The following IL13 variants were observed in gnomAD, a reference collection of about 807,000 sequenced individuals.
The protein encoded by IL13 is interleukin 13, also known as interleukin-13.
A neutral mutation model predicts 11.1 loss-of-function variants in IL13; 9 were observed. That is an observed-to-expected ratio of 0.81 (90% confidence interval 0.49 to 1.42). IL13 has a LOEUF of 1.42. Among genes scored for constraint, IL13 ranks in the 40% most tolerant of loss-of-function variants. The probability of loss-of-function intolerance (pLI) is 0.00; values close to 1 mark genes in which losing one functional copy is unlikely to be tolerated. For missense variants in IL13, 181 were observed against 182.5 expected (o/e 0.99, Z 0.05); for synonymous variants, 75 against 76.9 (o/e 0.97, Z 0.13).
chr5:132,658,294 T>TGC lies in IL13; in HGVS notation c.109_110insCG (p.Val37AlafsTer37). On this transcript the variant is annotated frameshift_variant, in exon 1 of 4. Coordinates refer to ENST00000304506, the MANE Select transcript of IL13 (RefSeq NM_002188.3). LOFTEE classifies it high-confidence loss of function. Reference sequence around the variant, plus strand: ...TTGGCGGCTTTGCCTCCCCAGGCCCTGTGCCTCCCTCTACAGCCCTCAGGG... The same window carrying TGC: ...TTGGCGGCTTTGCCTCCCCAGGCCCTGCGTGCCTCCCTCTACAGCCCTCAGGG... The TGC allele has an allele frequency of 6.2e-7, 1 of 1,609,496 alleles. No individual in the cohort carries two copies. The highest frequency in any genetic ancestry group is 1.1e-5 in the South Asian group (1 of 90,976).
At position 132,659,838 on chromosome 5, in the gene IL13, C is replaced by T. The variant is rs1752114765; in HGVS notation, c.333+10C>T. 8 of 1,612,844 alleles carry T rather than the reference C, an allele frequency of 5.0e-6. No individual in the cohort carries two copies. The highest frequency in any genetic ancestry group is 1.3e-5 in the African/African-American group (1 of 74,978). On this transcript the variant is annotated intron_variant, in intron 3 of 3. Coordinates refer to ENST00000304506, the MANE Select transcript of IL13 (RefSeq NM_002188.3). This position sits in a 1 kb window ranked among gnomAD's most constrained non-coding sequence, Gnocchi z 4.1. Reference sequence around the variant, plus strand: ...CAAGGTCTCAGCTGGGGTAAGGCATCCCCCACCCTCTCACACCCACCCTGC... The same window carrying T: ...CAAGGTCTCAGCTGGGGTAAGGCATTCCCCACCCTCTCACACCCACCCTGC...
At chr5:132,657,935 G>A (rs1426092671), upstream of IL13, among the ~76,000 whole-genome samples, 3 of 152,290 alleles carry the variant, frequency 2.0e-5, no homozygotes, top group Non-Finnish European at 4.4e-5. Flanking sequence ...CGCTCTCAGG[G>A]CCCCTTGCCT....
At position 132,658,220 on chromosome 5, in the gene IL13, C is replaced by T. The variant is rs202050622; in HGVS notation, c.34C>T (p.Leu12=). 1.2e-5 allele frequency: 19 copies of T among 1,612,352 alleles called. No individual in the cohort carries two copies. The highest frequency in any genetic ancestry group is 8.8e-5 in the South Asian group (8 of 90,962). Residue 12 remains leucine (L), a synonymous_variant, in exon 1 of 4, where the codon CTG becomes TTG. Transcript: ENST00000304506. The part of the protein sequence containing the change: ...HPLLNPLLLA[L]GLMALLLTTV... ...GCTCCTCAATCCTCTCCTGTTGGCACTGGGCCTCATGGCGCTTTTGTTGAC... is the reference window on the plus strand; with the variant it reads ...GCTCCTCAATCCTCTCCTGTTGGCATTGGGCCTCATGGCGCTTTTGTTGAC...
At chr5:132,657,602 C>T (rs1447232989), upstream of IL13, among the ~76,000 whole-genome samples, 1 of 152,178 alleles carries the variant, frequency 6.6e-6, no homozygotes, top group Non-Finnish European at 1.5e-5. Flanking sequence ...TTGACAATCC[C>T]TCTCACAGTG....
At chr5:132,657,397 C>T (rs1297691322), upstream of IL13, among the ~76,000 whole-genome samples, 1 of 152,184 alleles carries the variant, frequency 6.6e-6, no homozygotes, top group Admixed American at 6.5e-5. Flanking sequence ...GTGCACACTA[C>T]TTCCAGCCAC....
chr5:132,657,949 G>T (rs914902326), upstream of IL13, among the ~76,000 whole-genome samples: 1 of 152,174 alleles, frequency 6.6e-6, no homozygotes, highest in South Asian at 2.1e-4. Flanking sequence ...CTTGCCTGCC[G>T]CTGGAATTAA....
Position 132,659,444 on chromosome 5 carries a change from A to C in IL13, c.201A>C (p.Val67=), listed in dbSNP as rs1752104566. The change falls in exon 2 of 4, where the codon GTA becomes GTC. Residue 67 remains valine (V), a synonymous_variant. Transcript: ENST00000304506. This position sits in a 1 kb window ranked among gnomAD's most constrained non-coding sequence, Gnocchi z 4.1. ...QKAPLCNGSM[V]WSINLTAGMY... is the part of the protein sequence containing the mutation. ...CTCCGCTCTGCAATGGCAGCATGGT[A>C]TGGAGCATCAACCTGACAGCTGGCA... The C allele has an allele frequency of 1.2e-6, 2 of 1,612,004 alleles. No individual in the cohort carries two copies. The highest frequency in any genetic ancestry group is 4.5e-5 in the East Asian group (2 of 44,854).
Position 132,660,424 on chromosome 5 carries a change from GC to G in IL13, c.*144del. The G allele has an allele frequency of 7.4e-7, 1 of 1,346,038 alleles. No homozygotes were observed. Among genetic ancestry groups the G allele is most frequent in the Non-Finnish European group, 9.8e-7 (1 of 1,017,010 alleles). 83.4% of individuals were successfully genotyped at this position (1,346,038 alleles called of 1,614,324 possible). On this transcript the variant is annotated 3_prime_UTR_variant, in exon 4 of 4. Transcript: ENST00000304506. ...GTAAAATTCCTTAGCTTAGACCTCA[GC>G]CTGTGCTGCCCGTCTTCAGCCTAGC...
At chr5:132,660,044 G>A in intron 3 of IL13, 131 bp from the exon 4 acceptor site, 2 of 1,196,104 alleles carry the variant, frequency 1.7e-6, no homozygotes, top group Non-Finnish European at 2.3e-6. Context: ...TACAGTAGAG[G>A]TACTAACAGT....
At chr5:132,658,066 A>G (rs1752072099), upstream of IL13, 1 of 587,564 alleles carries the variant, frequency 1.7e-6, no homozygotes, top group Non-Finnish European at 3.0e-6. Flanking sequence ...AGTAAAATCA[A>G]GATGAGTAAA....
At position 132,660,288 on chromosome 5, in the gene IL13, C is replaced by T. The variant is rs767198237; in HGVS notation, c.*6C>T. 1.1e-5 allele frequency: 18 copies of T among 1,613,228 alleles called. No individual in the cohort carries two copies. Among genetic ancestry groups the T allele is most frequent in the African/African-American group, 4.0e-5 (3 of 74,904 alleles). On this transcript the variant is annotated 3_prime_UTR_variant, in exon 4 of 4. Transcript: ENST00000304506. ...GCGAGGGACAGTTCAACTGAAACTTCGAAAGCATCATTATTTGCAGAGACA... is the reference window on the plus strand; with the variant it reads ...GCGAGGGACAGTTCAACTGAAACTTTGAAAGCATCATTATTTGCAGAGACA...
chr5:132,659,611 C>G lies in IL13; in HGVS notation c.229-113C>G. ...CCTCCCGCCATAATCTGGCCCCTTC[C>G]CGCCCACCACCCAGACTCACCTGCG... On this transcript the variant is annotated intron_variant, in intron 2 of 3. Transcript: ENST00000304506. This position sits in a 1 kb window ranked among gnomAD's most constrained non-coding sequence, Gnocchi z 4.1. The G allele has an allele frequency of 6.3e-7, 1 of 1,593,694 alleles. No homozygotes were observed. Among genetic ancestry groups the G allele is most frequent in the Non-Finnish European group, 8.6e-7 (1 of 1,166,382 alleles).
Position 132,659,804 on chromosome 5 carries a change from C to T in IL13, c.309C>T (p.Phe103=), listed in dbSNP as rs1436810975. 3 of 1,613,906 alleles carry T rather than the reference C, an allele frequency of 1.9e-6. No individual in the cohort carries two copies. The South Asian group carries it at 3.3e-5, about 18-fold the overall frequency. ...AGACCCAGAGGATGCTGAGCGGATT[C>T]TGCCCGCACAAGGTCTCAGCTGGGG... ...IEKTQRMLSG[F]CPHKVSAGQF... The change falls in exon 3 of 4, where the codon TTC becomes TTT. Residue 103 remains phenylalanine (F), a synonymous_variant. Coordinates refer to ENST00000304506, the MANE Select transcript of IL13 (RefSeq NM_002188.3). The surrounding 1 kb of genome is among the most constrained non-coding windows in gnomAD (Gnocchi z 4.1).
rs1198737150 is a variant in IL13 at position 132,658,235 on chromosome 5, C to T, written c.49C>T (p.Leu17Phe). ...PLLLALGLMA[L>F]LLTTVIALTC... Reference sequence around the variant, plus strand: ...CCTGTTGGCACTGGGCCTCATGGCGCTTTTGTTGACCACGGTCATTGCTCT... The same window carrying T: ...CCTGTTGGCACTGGGCCTCATGGCGTTTTTGTTGACCACGGTCATTGCTCT... Residue 17 changes from leucine (L) to phenylalanine (F), a missense_variant, in exon 1 of 4, where the codon CTT becomes TTT. Physicochemically the swap from Leu to Phe is conservative, Grantham distance 22 (BLOSUM62 0). Coordinates refer to ENST00000304506, the MANE Select transcript of IL13 (RefSeq NM_002188.3). 9 of 1,612,216 alleles carry T rather than the reference C, an allele frequency of 5.6e-6. No individual in the cohort carries two copies. The highest frequency in any genetic ancestry group is 6.8e-6 in the Non-Finnish European group (8 of 1,178,304).
rs903576385 is a variant in IL13 at position 132,658,351 on chromosome 5, G to C, written c.165G>C (p.Gln55His). Residue 55 changes from glutamine (Q) to histidine (H), a missense_variant, in exon 1 of 4, where the codon CAG becomes CAC. Transcript: ENST00000304506. The stretch of plus-strand genomic sequence containing the variant: ...TTGAGGAGCTGGTCAACATCACCCA[G>C]AACCAGAAGGTGAGTGTCGGCTAGC... ...ELIEELVNIT[Q>H]NQKAPLCNGS... 5 of 1,604,596 alleles carry C rather than the reference G, an allele frequency of 3.1e-6. No homozygotes were observed. Among genetic ancestry groups the C allele is most frequent in the Non-Finnish European group, 4.3e-6 (5 of 1,172,990 alleles).
At chr5:132,657,922 C>T (rs56398553), upstream of IL13, among the ~76,000 whole-genome samples, 28 of 152,294 alleles carry the variant, frequency 1.8e-4, no homozygotes, top group Admixed American at 1.4e-3. Context: ...GCAAATGCCA[C>T]GCCGCTCTCA....
rs748829533 is a variant in IL13 at position 132,659,676 on chromosome 5, G to C, written c.229-48G>C. The C allele has an allele frequency of 2.5e-6, 4 of 1,604,328 alleles. No homozygotes were observed. The African/African-American group carries it at 5.4e-5, about 21-fold the overall frequency. On this transcript the variant is annotated intron_variant, in intron 2 of 3. Transcript: ENST00000304506. This position sits in a 1 kb window ranked among gnomAD's most constrained non-coding sequence, Gnocchi z 4.1. The stretch of plus-strand genomic sequence containing the variant: ...CCCATCTTCCTGCAGACTCACAAAA[G>C]GCAGCTGCCCAAGCAGGGCCTGACC...
rs1752107530 is a variant in IL13, at chr5:132,659,548, A to G, written c.228+77A>G. ...CTTATCTTCTCTGAGCCTCCCTTCC[A>G]TGGCTGGGGTTCCAAGCAAGCTTCA... On this transcript the variant is annotated intron_variant, in intron 2 of 3. Transcript: ENST00000304506. The surrounding 1 kb of genome is among the most constrained non-coding windows in gnomAD (Gnocchi z 4.1). 5 of 1,558,882 alleles carry G rather than the reference A, an allele frequency of 3.2e-6. No individual in the cohort carries two copies. The East Asian group carries it at 9.2e-5, about 29-fold the overall frequency.
rs149809253 is a variant in IL13, at chr5:132,660,604, CAT to C, written c.*323_*324del. The stretch of plus-strand genomic sequence containing the variant: ...TACAGTGGGTGCCCCCCTTGCCAGA[CAT>C]GTGGTGGGACAGGGACCCACTTCAC... On this transcript the variant is annotated 3_prime_UTR_variant, in exon 4 of 4. Coordinates refer to ENST00000304506, the MANE Select transcript of IL13 (RefSeq NM_002188.3). The C allele has an allele frequency of 6.9e-5, 18 of 259,202 alleles. No individual in the cohort carries two copies. The highest frequency in any genetic ancestry group is 1.3e-4 in the Non-Finnish European group (17 of 134,406). The allele number at this position is 259,202 out of a possible 1,614,324, so 16.1% of individuals were successfully genotyped here.
Sources: allele counts gnomAD v4.1 joint callset (sites outside exome capture counted in the v4.1 genomes callset), GRCh38; gene constraint gnomAD v4.1.1; non-coding constraint Gnocchi (gnomAD v3.1); transcripts MANE v1.5; gene names NCBI Gene and HGNC (gene_info 2026-07-23, HGNC 2026-07-21).